TECPR1: variants seen among roughly 807,000 people sequenced by gnomAD.
TECPR1 encodes the protein tectonin beta-propeller repeat containing 1, also known as tectonin beta-propeller repeat-containing protein 1.
TECPR1 carries 122 observed loss-of-function variants against 162.4 expected under a neutral mutation model. The observed-to-expected ratio is 0.75, with a 90% CI of 0.65 to 0.87. TECPR1 has a LOEUF of 0.87. Ranked by LOEUF, TECPR1 falls within the 40% of genes least tolerant of loss-of-function variation. The pLI, the probability that TECPR1 is intolerant of heterozygous loss-of-function variation, is 0.00. For missense variants in TECPR1, 1,432 were observed against 1,618.2 expected, an observed-to-expected ratio of 0.88 and a Z score of 1.97; for synonymous variants, 642 against 670.6, an observed-to-expected ratio of 0.96 and a Z score of 0.66.
rs1478911358 is a variant in TECPR1 at position 98,216,318 on chromosome 7, C to G, written c.*1072G>C. 6.6e-6 allele frequency: 1 copy of G among 152,344 alleles called. No individual in the cohort carries two copies. The highest frequency in any genetic ancestry group is 2.4e-5 in the African/African-American group (1 of 41,438). 9.4% of individuals were successfully genotyped at this position (152,344 alleles called of 1,614,324 possible). On this transcript the variant is annotated 3_prime_UTR_variant, in exon 26 of 26. Coordinates refer to ENST00000447648, the MANE Select transcript of TECPR1 (RefSeq NM_015395.3). ...ACAGTAGTACTGCTCCCCACAGAAG[C>G]CCGCAGTCTGCACCCTCCTACAACA...
intron 15 of TECPR1, among the ~76,000 whole-genome samples, chr7:98,229,608 G>A (rs921643347): frequency 6.6e-6 from 1 of 152,140 alleles, no homozygotes; most frequent in African/African-American, 2.4e-5. Flanking sequence ...GTGACAGCAC[G>A]GCCCTTGGGC....
At chr7:98,230,669 C>A (rs1193917901) in intron 15 of TECPR1, among the ~76,000 whole-genome samples, 2 of 152,218 alleles carry the variant, frequency 1.3e-5, no homozygotes, top group East Asian at 1.9e-4. Flanking sequence ...TGGAAGCCCC[C>A]TGGGGTGGAG....
At chr7:98,222,170 G>A (rs774141320) in intron 22 of TECPR1, among the ~76,000 whole-genome samples, 37 of 152,298 alleles carry the variant, frequency 2.4e-4, no homozygotes, top group Non-Finnish European at 2.8e-4. Flanking sequence ...GCAGGGCCGA[G>A]ACACAGGGGC....
At chr7:98,240,164 T>C (rs1313134854) in intron 8 of TECPR1, among the ~76,000 whole-genome samples, 1 of 152,066 alleles carries the variant, frequency 6.6e-6, no homozygotes, top group Non-Finnish European at 1.5e-5. Flanking sequence ...GCTGGTTTTA[T>C]TGGACTTGCC....
intron 9 of TECPR1, among the ~76,000 whole-genome samples, chr7:98,237,905 T>C (rs1798641659): frequency 6.6e-6 from 1 of 152,084 alleles, no homozygotes; most frequent in Non-Finnish European, 1.5e-5. Context: ...CCTGAGTAGA[T>C]GGGACTACAG....
intron 16 of TECPR1, 83 bp downstream of exon 16, chr7:98,228,956 C>G: frequency 6.6e-7 from 1 of 1,512,164 alleles, no homozygotes. Context: ...GACAATGGCC[C>G]TGGCCTTGGG....
chr7:98,240,733 TA>T, intron 8 of TECPR1, 117 bp downstream of exon 8: 1 of 889,290 alleles, frequency 1.1e-6, no homozygotes, highest in Non-Finnish European at 1.7e-6. Context: ...TCTTTTTTTT[TA>T]ATTTGAGACA....
intron 9 of TECPR1, among the ~76,000 whole-genome samples, chr7:98,237,507 C>A (rs1439514003): frequency 6.6e-6 from 1 of 152,106 alleles, no homozygotes; most frequent in Non-Finnish European, 1.5e-5. Context: ...CTTGCTCTGT[C>A]ACCCAGGCTG....
rs769712578 is a variant in TECPR1 at position 98,221,686 on chromosome 7, C to T, written c.3132G>A (p.Thr1044=). The T allele has an allele frequency of 6.2e-6, 10 of 1,613,176 alleles. No individual in the cohort carries two copies. In the East Asian group the frequency reaches 1.3e-4, roughly 22 times the overall value. The change falls in exon 23 of 26, where the codon ACG becomes ACA. Residue 1044 remains threonine, a synonymous_variant. Transcript: ENST00000447648. ...CATTCTCATCCAGGGCATACACCGA[C>T]GTCTGCCCCGCGGACACCTGCTTCA... The part of the protein sequence containing the change: ...QRLKQVSAGQ[T]SVYALDENGN...
chr7:98,218,384 GAGAA>G (rs1194636274), intron 23 of TECPR1, among the ~76,000 whole-genome samples: 5 of 152,230 alleles, frequency 3.3e-5, no homozygotes, highest in South Asian at 2.1e-4. Flanking sequence ...AATCAGGCAA[GAGAA>G]AGAAAGAAAG....
At chr7:98,236,173 G>C (rs1439094818) in intron 10 of TECPR1, among the ~76,000 whole-genome samples, 1 of 152,214 alleles carries the variant, frequency 6.6e-6, no homozygotes, top group African/African-American at 2.4e-5. Context: ...GCTTGTCCAT[G>C]CTCTTTAGAC....
chr7:98,229,686 C>T (rs925460983), intron 15 of TECPR1, among the ~76,000 whole-genome samples: 4 of 152,148 alleles, frequency 2.6e-5, no homozygotes, highest in East Asian at 1.9e-4. Context: ...GTGCAGGCTG[C>T]GGCTGGTGCA....
chr7:98,233,324 G>T, intron 11 of TECPR1, 97 bp downstream of exon 11: 1 of 1,356,102 alleles, frequency 7.4e-7, no homozygotes, highest in Non-Finnish European at 9.5e-7. Context: ...AGGACAGCAG[G>T]CCTGCCCGAG....
chr7:98,222,589 C>T, intron 21 of TECPR1, 68 bp from the exon 22 acceptor site: 3 of 1,526,460 alleles, frequency 2.0e-6, no homozygotes, highest in Non-Finnish European at 2.6e-6. Context: ...CCTCCAGGAC[C>T]AGCAGAAATG....
At position 98,221,684 on chromosome 7, in the gene TECPR1, G is replaced by C; in HGVS notation, c.3134C>G (p.Ser1045Trp). 1 of 1,613,204 alleles carries C rather than the reference G, an allele frequency of 6.2e-7. No individual in the cohort carries two copies. Among genetic ancestry groups the C allele is most frequent in the Non-Finnish European group, 8.5e-7 (1 of 1,179,798 alleles). The change falls in exon 23 of 26, where the codon TCG (serine) becomes TGG (tryptophan). Residue 1045 changes from serine to tryptophan, a missense_variant. Physicochemically the swap from Ser to Trp is radical, Grantham distance 177. Coordinates refer to ENST00000447648, the MANE Select transcript of TECPR1 (RefSeq NM_015395.3). ...RLKQVSAGQT[S>W]VYALDENGNL... ...GCCATTCTCATCCAGGGCATACACCGACGTCTGCCCCGCGGACACCTGCTT... is the reference window on the plus strand; with the variant it reads ...GCCATTCTCATCCAGGGCATACACCCACGTCTGCCCCGCGGACACCTGCTT...
chr7:98,228,790 G>A (rs958994022), intron 16 of TECPR1: 2 of 453,286 alleles, frequency 4.4e-6, no homozygotes, highest in African/African-American at 3.9e-5. Context: ...CCCTGAAAAT[G>A]AGAGGCTGGA....
intron 11 of TECPR1, 136 bp from the exon 12 acceptor site, chr7:98,233,108 T>A: frequency 9.3e-7 from 1 of 1,071,790 alleles, no homozygotes; most frequent in Non-Finnish European, 1.3e-6. Context: ...CCTTCCACCC[T>A]TTGCCCTGTT....
chr7:98,222,285 G>T (rs1798160516), intron 22 of TECPR1, 101 bp downstream of exon 22: 8 of 1,459,190 alleles, frequency 5.5e-6, no homozygotes, highest in Non-Finnish European at 6.4e-6. Flanking sequence ...TCTGGGGGAA[G>T]TCCCAGCTTC....
intron 5 of TECPR1, among the ~76,000 whole-genome samples, 187 bp from the exon 6 acceptor site, chr7:98,243,779 A>T: frequency 6.6e-6 from 1 of 152,174 alleles, no homozygotes; most frequent in East Asian, 1.9e-4. Flanking sequence ...TATTTTCAGT[A>T]GAGACGTGGT....
Sources: gnomAD v4.1 joint callset for allele counts (sites outside exome capture counted in the v4.1 genomes callset) on GRCh38, gnomAD v4.1.1 for gene constraint, MANE v1.5 for transcripts, NCBI Gene and HGNC (gene_info 2026-07-23, HGNC 2026-07-21) for gene names.